The following NAP1L4 variants were observed in gnomAD, a reference collection of about 807,000 sequenced individuals.
NAP1L4 encodes the protein nucleosome assembly protein 1 like 4, also known as nucleosome assembly protein 1-like 4.
A neutral mutation model predicts 58.2 loss-of-function variants in NAP1L4; 15 were observed. The ratio of observed to expected loss-of-function variants is 0.26; its 90% CI spans 0.17 to 0.40. NAP1L4 has a LOEUF of 0.40. Among genes scored for constraint, NAP1L4 ranks in the 10% least tolerant of loss-of-function variants. NAP1L4 has a pLI of 1.00. For missense variants in NAP1L4, 384 were observed against 451.1 expected, an observed-to-expected ratio of 0.85 and a Z score of 1.35; for synonymous variants, 171 against 155.6, an observed-to-expected ratio of 1.10 and a Z score of -0.74.
intron 2 of NAP1L4, among the ~76,000 whole-genome samples, chr11:2,978,954 C>T (rs1430832148): frequency 1.3e-5 from 2 of 150,242 alleles, no homozygotes; most frequent in Non-Finnish European, 3.0e-5. Flanking sequence ...TACCTAACTT[C>T]ACCCCAGGGG....
Position 2,973,837 on chromosome 11 carries a change from C to T in NAP1L4, c.174-1594G>A, listed in dbSNP as rs541813920. Among the ~76,000 whole-genome samples the T allele has an allele frequency of 2.0e-3, 309 of 152,200 alleles. 1 individual carries two copies. Among genetic ancestry groups the T allele is most frequent in the African/African-American group, 7.0e-3 (292 of 41,518 alleles). On this transcript the variant is annotated intron_variant, in intron 4 of 15. Transcript: ENST00000380542. The stretch of plus-strand genomic sequence containing the variant: ...AGGCTGCAGTGCACTGGTGCGATCT[C>T]GGCTCACTGTAGCCTCAACTTTCTG...
chr11:2,991,007 T>G (rs1387222616), intron 1 of NAP1L4: 2 of 424,564 alleles, frequency 4.7e-6, no homozygotes, highest in Non-Finnish European at 9.8e-6. Context: ...TGCAGGAGGA[T>G]AAGGCACGGG....
At chr11:2,988,065 T>C (rs1848748177) in intron 1 of NAP1L4, 1 of 152,230 alleles carries the variant, frequency 6.6e-6, no homozygotes, top group Non-Finnish European at 1.5e-5. Context: ...CAAGATCTAC[T>C]GAAATACCTG....
intron 1 of NAP1L4, chr11:2,989,893 A>C (rs1362999608): frequency 1.3e-5 from 2 of 152,270 alleles, no homozygotes; most frequent in East Asian, 1.9e-4. Flanking sequence ...CTACAGAAGA[A>C]TCTGATGGCT....
chr11:2,974,849 G>A (rs1181689776), intron 4 of NAP1L4, among the ~76,000 whole-genome samples: 1 of 152,094 alleles, frequency 6.6e-6, no homozygotes, highest in Non-Finnish European at 1.5e-5. Context: ...ACTCCAGAAC[G>A]TACAGTGAAA....
rs761172182 is a variant in NAP1L4 at position 2,951,935 on chromosome 11, T to C, written c.1036-126A>G. On this transcript the variant is annotated intron_variant, in intron 12 of 15. Transcript: ENST00000380542. This position sits in a 1 kb window ranked among gnomAD's most constrained non-coding sequence, Gnocchi z 4.0. ...GAGCAGAAAGTCCAGCCACGCTGCCTGCTGGGCCTCGCTTGCCTGAGGAGC... is the reference window on the plus strand; with the variant it reads ...GAGCAGAAAGTCCAGCCACGCTGCCCGCTGGGCCTCGCTTGCCTGAGGAGC... The C allele has an allele frequency of 3.5e-4, 305 of 881,258 alleles. No homozygotes were observed. Among genetic ancestry groups the C allele is most frequent in the Non-Finnish European group, 5.3e-4 (280 of 531,190 alleles). 54.6% of individuals were successfully genotyped at this position (881,258 alleles called of 1,614,324 possible).
intron 1 of NAP1L4, among the ~76,000 whole-genome samples, chr11:2,980,874 C>T (rs1254608994): frequency 6.6e-6 from 1 of 151,878 alleles, no homozygotes; most frequent in Non-Finnish European, 1.5e-5. Flanking sequence ...ACAAATATTA[C>T]ACATTGTCTT....
In NAP1L4 at chr11:2,971,121, C is replaced by G. The variant is rs1346491853; in HGVS notation, c.402+327G>C. 6.6e-6 allele frequency among the ~76,000 whole-genome samples: 1 copy of G among 152,192 alleles called. No individual in the cohort carries two copies. The highest frequency in any genetic ancestry group is 1.5e-5 in the Non-Finnish European group (1 of 68,026). On this transcript the variant is annotated intron_variant, in intron 6 of 15. Transcript: ENST00000380542. The surrounding 1 kb of genome is among the most constrained non-coding windows in gnomAD (Gnocchi z 4.2). ...GGAAGGCACTCCCCTCACAACTCCC[C>G]CAATCTTCCAGTGACTGAGAACACA...
chr11:2,972,296 C>A, intron 4 of NAP1L4, 53 bp from the exon 5 acceptor site: 1 of 1,476,288 alleles, frequency 6.8e-7, no homozygotes, highest in Non-Finnish European at 9.1e-7. Context: ...AATAAAGCAG[C>A]ATGCTTTTCA....
intron 8 of NAP1L4, 109 bp downstream of exon 8, chr11:2,964,571 G>A: frequency 1.2e-6 from 1 of 825,894 alleles, no homozygotes; most frequent in Admixed American, 2.4e-5. Context: ...CCCAGCAGAT[G>A]AGTGGCTGGG....
In NAP1L4 at chr11:2,971,662, T is replaced by G. The variant is rs1174743392; in HGVS notation, c.316-128A>C. On this transcript the variant is annotated intron_variant, in intron 5 of 15. Transcript: ENST00000380542. This position sits in a 1 kb window ranked among gnomAD's most constrained non-coding sequence, Gnocchi z 4.2. ...ATATTTTTATAACTTATTTTAAGAT[T>G]CTAAATTTTAGGGTTCAAAGAAAAA... The G allele has an allele frequency of 1.3e-6, 1 of 781,166 alleles. No homozygotes were observed. Among genetic ancestry groups the G allele is most frequent in the Non-Finnish European group, 2.0e-6 (1 of 506,178 alleles). 48.4% of individuals were successfully genotyped at this position (781,166 alleles called of 1,614,324 possible). A position where few individuals can be genotyped will look rare whatever the true frequency, so the allele number is the denominator to read the frequency against.
chr11:2,975,533 C>T (rs993109997), intron 4 of NAP1L4, among the ~76,000 whole-genome samples: 7 of 152,000 alleles, frequency 4.6e-5, no homozygotes, highest in African/African-American at 1.4e-4. Context: ...GAGTTCAAAA[C>T]CAGCCTAGGA....
chr11:2,990,822 G>A, intron 1 of NAP1L4: 1 of 238,682 alleles, frequency 4.2e-6, no homozygotes, highest in South Asian at 4.5e-5. Flanking sequence ...CAAACAGGCT[G>A]AAAGAGTCCC....
At chr11:2,984,064 C>G (rs1014269605) in intron 1 of NAP1L4, among the ~76,000 whole-genome samples, 1 of 146,398 alleles carries the variant, frequency 6.8e-6, no homozygotes, top group Non-Finnish European at 1.5e-5. Flanking sequence ...GTGGCTGAGA[C>G]AGAAGCAACA....
At chr11:2,965,137 AAG>A (rs1341713449) in intron 7 of NAP1L4, among the ~76,000 whole-genome samples, 2 of 152,258 alleles carry the variant, frequency 1.3e-5, no homozygotes, top group Non-Finnish European at 2.9e-5. Context: ...TCTGAGGAGA[AAG>A]AGCAGAAGCC....
chr11:2,975,153 A>T (rs554648625), intron 4 of NAP1L4, among the ~76,000 whole-genome samples: 59 of 41,168 alleles, frequency 1.4e-3, no homozygotes, highest in African/African-American at 6.4e-3. Flanking sequence ...TCATCCCTTT[A>T]AAAAAAAAAA....
intron 1 of NAP1L4, among the ~76,000 whole-genome samples, chr11:2,980,896 AT>A (rs1401189491): frequency 1.3e-5 from 2 of 151,538 alleles, no homozygotes; most frequent in African/African-American, 2.4e-5. Flanking sequence ...TTCAAAAAAA[AT>A]AAATTATGTT....
In NAP1L4 at chr11:2,946,906, C is replaced by T. The variant is rs529747504; in HGVS notation, c.*33-1260G>A. ...CCTTAGGAGTGTGGGGGATGCAGGG[C>T]GCCCCGAGCAGGAGCAGTGAGGGGA... On this transcript the variant is annotated intron_variant, in intron 15 of 15. Transcript: ENST00000380542. This position sits in a 1 kb window ranked among gnomAD's most constrained non-coding sequence, Gnocchi z 4.8. Among the ~76,000 whole-genome samples, 4 of 152,198 alleles carry T rather than the reference C, an allele frequency of 2.6e-5. No individual in the cohort carries two copies. Among genetic ancestry groups the T allele is most frequent in the South Asian group, 4.2e-4 (2 of 4,810 alleles).
At chr11:2,984,465 G>A (rs1848511214) in intron 1 of NAP1L4, among the ~76,000 whole-genome samples, 1 of 152,174 alleles carries the variant, frequency 6.6e-6, no homozygotes, top group African/African-American at 2.4e-5. Context: ...CAGCTACTCA[G>A]GAGGCTGAGG....
Sources: gnomAD v4.1 joint callset for allele counts (sites outside exome capture counted in the v4.1 genomes callset) on GRCh38, gnomAD v4.1.1 for gene constraint, Gnocchi (gnomAD v3.1) non-coding constraint, MANE v1.5 for transcripts, NCBI Gene and HGNC (gene_info 2026-07-23, HGNC 2026-07-21) for gene names.